The following POLQ variants were observed in gnomAD, a reference collection of about 807,000 sequenced individuals.
POLQ encodes the protein epididymis secretory sperm binding protein.
Under a neutral mutation model 259.2 loss-of-function variants are expected in POLQ, and 233 were observed. The ratio of observed to expected loss-of-function variants is 0.90; its 90% CI spans 0.81 to 1.00. The LOEUF (loss-of-function observed/expected upper bound fraction) is 1.00, where lower values mean the gene tolerates loss of function less well. Ranked by LOEUF, POLQ falls within the 50% of genes least tolerant of loss-of-function variation. POLQ has a pLI of 0.00. For missense variants in POLQ, 2,871 were observed against 3,051.6 expected (o/e 0.94, Z 1.39); for synonymous variants, 1,025 against 1,048.8 (o/e 0.98, Z 0.44).
chr3:121,478,081 C>T (rs974585820), intron 19 of POLQ, among the ~76,000 whole-genome samples: 4 of 152,060 alleles, frequency 2.6e-5, no homozygotes, highest in Non-Finnish European at 5.9e-5. Context: ...GGAGCAAGGT[C>T]GTTATGGGAA....
rs1051069163 is a variant in POLQ at position 121,468,347 on chromosome 3, G to C, written c.6803C>G (p.Pro2268Arg). The change falls in exon 23 of 30, where the codon CCA becomes CGA. Residue 2268 changes from proline to arginine, a missense_variant. By Grantham distance (103) the Pro-to-Arg change is moderately radical. Transcript: ENST00000264233. ...GCCTTTGCCTACAGCTTGAGAAGGT[G>C]GGCTTTCTCCTACTAGTGTTGGCAT... ...IKMPTLVGES[P>R]PSQAVGKGLL... 1.9e-6 allele frequency: 3 copies of C among 1,611,848 alleles called. 1 individual carries two copies. The South Asian group carries it at 3.3e-5, about 18-fold the overall frequency.
chr3:121,483,507 G>C lies in POLQ; in HGVS notation c.5849C>G (p.Ser1950Cys), dbSNP rs370684220. ...TTTATCAGATTCCTTTCGCAAGCAAGATTGAAGGTACCACATCCTGTCTTT... is the reference window on the plus strand; with the variant it reads ...TTTATCAGATTCCTTTCGCAAGCAACATTGAAGGTACCACATCCTGTCTTT... ...TLKDRMWYLQ[S>C]CLRKESDKEC... The change falls in exon 18 of 30, where the codon TCT becomes TGT. Residue 1950 changes from serine (S) to cysteine (C), a missense_variant. Ser to Cys is a moderately radical substitution (Grantham distance 112, BLOSUM62 -1). Around this residue, in one of 3 missense-constraint regions of POLQ, gnomAD observed 2,080 missense variants for 2,126.0 expected, o/e 0.98. Transcript: ENST00000264233. 4.4e-6 allele frequency: 7 copies of C among 1,606,286 alleles called. No homozygotes were observed. The highest frequency in any genetic ancestry group is 5.1e-6 in the Non-Finnish European group (6 of 1,177,502).
chr3:121,536,524 T>A (rs1447696329), intron 5 of POLQ, among the ~76,000 whole-genome samples: 1 of 152,130 alleles, frequency 6.6e-6, no homozygotes, highest in Non-Finnish European at 1.5e-5. Context: ...TATATATAGA[T>A]GACAAATACA....
At chr3:121,515,051 T>C (rs2048285104) in intron 9 of POLQ, among the ~76,000 whole-genome samples, 1 of 152,160 alleles carries the variant, frequency 6.6e-6, no homozygotes, top group Non-Finnish European at 1.5e-5. Context: ...ACTGTATTTT[T>C]GCAAAGTGCA....
At chr3:121,462,905 AT>A in intron 24 of POLQ, among the ~76,000 whole-genome samples, 1 of 152,366 alleles carries the variant, frequency 6.6e-6, no homozygotes, top group Non-Finnish European at 1.5e-5. Context: ...AAAACCTTAT[AT>A]TCTATTAGTG....
intron 25 of POLQ, among the ~76,000 whole-genome samples, chr3:121,458,635 C>T (rs1269688434): frequency 1.3e-5 from 2 of 152,112 alleles, no homozygotes; most frequent in South Asian, 2.1e-4. Context: ...AATGCAGAAC[C>T]TCTCCAGGGA....
chr3:121,466,297 A>G (rs1298184733), intron 24 of POLQ, among the ~76,000 whole-genome samples: 1 of 151,606 alleles, frequency 6.6e-6, no homozygotes, highest in East Asian at 1.9e-4. Flanking sequence ...AAAAAAAAAA[A>G]ACTGATTCAT....
At chr3:121,451,123 C>A (rs929334485) in intron 25 of POLQ, among the ~76,000 whole-genome samples, 2 of 152,280 alleles carry the variant, frequency 1.3e-5, no homozygotes, top group African/African-American at 4.8e-5. Flanking sequence ...TCTTTTGCCA[C>A]GGTTTTCAGC....
At chr3:121,495,848 CAAAAA>C (rs34476932) in intron 14 of POLQ, among the ~76,000 whole-genome samples, 1 of 28,120 alleles carries the variant, frequency 3.6e-5, no homozygotes, top group Non-Finnish European at 7.5e-5. Context: ...GACTCTGTCT[CAAAAA>C]AAAAAAAAAA....
At chr3:121,453,884 C>G (rs1041344145) in intron 25 of POLQ, among the ~76,000 whole-genome samples, 5 of 152,108 alleles carry the variant, frequency 3.3e-5, no homozygotes, top group African/African-American at 1.2e-4. Context: ...CAGAGAACGC[C>G]ACAAAGATAC....
At chr3:121,493,958 C>A (rs2048093129) in intron 14 of POLQ, among the ~76,000 whole-genome samples, 2 of 152,116 alleles carry the variant, frequency 1.3e-5, no homozygotes, top group Non-Finnish European at 2.9e-5. Flanking sequence ...TATTCTTAAT[C>A]CTCAAGTTAA....
In POLQ at chr3:121,440,066, A is replaced by T; in HGVS notation, c.7315T>A (p.Phe2439Ile). 2 of 1,610,394 alleles carry T rather than the reference A, an allele frequency of 1.2e-6. No individual in the cohort carries two copies. Among genetic ancestry groups the T allele is most frequent in the South Asian group, 2.2e-5 (2 of 91,002 alleles). Reference protein sequence around the residue: ...ETVKNCKRDGFVQTILGRRRY... With the variant: ...ETVKNCKRDGIVQTILGRRRY... ...CGCCTTCCCAAAATGGTCTGAACAA[A>T]TCCGTCTCTTTTACAATTCTTCACT... The change falls in exon 27 of 30, where the codon TTT (phenylalanine) becomes ATT (isoleucine). Residue 2439 changes from phenylalanine (F) to isoleucine (I), a missense_variant. Coordinates refer to ENST00000264233, the MANE Select transcript of POLQ (RefSeq NM_199420.4).
intron 20 of POLQ, among the ~76,000 whole-genome samples, chr3:121,476,042 A>G (rs2047922515): frequency 6.6e-6 from 1 of 152,240 alleles, no homozygotes; most frequent in Non-Finnish European, 1.5e-5. Flanking sequence ...CAGAAAATCA[A>G]ATACTGCATG....
rs779268893 is a variant in POLQ, at chr3:121,487,820, T to C, written c.5111A>G (p.Lys1704Arg). 2 of 1,609,640 alleles carry C rather than the reference T, an allele frequency of 1.2e-6. No individual in the cohort carries two copies. Among genetic ancestry groups the C allele is most frequent in the Admixed American group, 3.4e-5 (2 of 59,112 alleles). ...SFSSNNEVKS[K>R]IEMLENNANH... ...GGCATTGTTTTCTAGCATCTCAATC[T>C]TGCTTTTTACTTCATTATTAGAAGA... Residue 1704 changes from lysine (K) to arginine (R), a missense_variant, in exon 16 of 30, where the codon AAG becomes AGG. Physicochemically the swap from Lys to Arg is conservative, Grantham distance 26 (BLOSUM62 2). Around this residue, in one of 3 missense-constraint regions of POLQ, gnomAD observed 2,080 missense variants for 2,126.0 expected, o/e 0.98. Coordinates refer to ENST00000264233, the MANE Select transcript of POLQ (RefSeq NM_199420.4).
rs755413512 is a variant in POLQ at position 121,545,806 on chromosome 3, G to A, written c.72C>T (p.Gly24=). The A allele has an allele frequency of 1.2e-6, 2 of 1,613,110 alleles. No individual in the cohort carries two copies. The highest frequency in any genetic ancestry group is 1.1e-5 in the South Asian group (1 of 90,862). ...ACTGGGGGCTGGCACTGCTGTCACC[G>A]CCGCTTCCCGAGAACGAATCTGAGC... ...ESGSDSFSGS[G]GDSSASPQFL... Residue 24 remains glycine, a synonymous_variant, in exon 1 of 30, where the codon GGC becomes GGT. Transcript: ENST00000264233.
Position 121,501,930 on chromosome 3 carries a change from C to T in POLQ, c.1960-3260G>A, listed in dbSNP as rs372572737. Among the ~76,000 whole-genome samples, 98 of 147,344 alleles carry T rather than the reference C, an allele frequency of 6.7e-4. No individual in the cohort carries two copies. In the East Asian group the frequency reaches 0.018, roughly 26 times the overall value. ...GCTTGAACCTGGGAGGCGGAGGTTG[C>T]AGTGAGCAGAGACTGCACCACCGCA... is the stretch of plus-strand genomic sequence containing the variant. On this transcript the variant is annotated intron_variant, in intron 12 of 29. Coordinates refer to ENST00000264233, the MANE Select transcript of POLQ (RefSeq NM_199420.4).
chr3:121,440,642 T>C (rs2047584040), intron 26 of POLQ, among the ~76,000 whole-genome samples: 1 of 152,170 alleles, frequency 6.6e-6, no homozygotes, highest in East Asian at 1.9e-4. Flanking sequence ...CCTTTGTTTT[T>C]TGAGTAACAA....
At chr3:121,487,243 TATCTC>T (rs1290714537) in intron 16 of POLQ, 54 bp downstream of exon 16, 20 of 879,732 alleles carry the variant, frequency 2.3e-5, no homozygotes, top group South Asian at 1.1e-4. Context: ...ATCTAACTCT[TATCTC>T]AGTCTACTAA....
At chr3:121,515,893 T>C (rs2048291093) in intron 9 of POLQ, among the ~76,000 whole-genome samples, 1 of 151,524 alleles carries the variant, frequency 6.6e-6, no homozygotes. Context: ...AAAAGTCCAA[T>C]GAACTACAAG....
Sources: gnomAD v4.1 joint callset for allele counts (sites outside exome capture counted in the v4.1 genomes callset) on GRCh38, gnomAD v4.1.1 for gene constraint, gnomAD v4.1.1 regional missense constraint, MANE v1.5 for transcripts, NCBI Gene and HGNC (gene_info 2026-07-23, HGNC 2026-07-21) for gene names.